Variants in PSEN1 observed in about 807,000 individuals in gnomAD.
PSEN1 encodes the protein presenilin-1.
In PSEN1, 15 loss-of-function variants were observed where a neutral mutation model predicts 53.5. The ratio of observed to expected loss-of-function variants is 0.28; its 90% CI spans 0.19 to 0.43. The LOEUF (loss-of-function observed/expected upper bound fraction) is 0.43. Ranked by LOEUF, PSEN1 falls within the 20% of genes least tolerant of loss-of-function variation. PSEN1 has a pLI of 1.00. For synonymous variants in PSEN1, 208 were observed against 209.8 expected, an observed-to-expected ratio of 0.99 and a Z score of 0.08; for missense variants, 387 against 571.2, an observed-to-expected ratio of 0.68 and a Z score of 3.29.
chr14:73,218,185 C>A (rs1900001272), intron 11 of PSEN1, among the ~76,000 whole-genome samples: 1 of 143,852 alleles, frequency 7.0e-6, no homozygotes, highest in Non-Finnish European at 1.5e-5. Context: ...CTCCTAGGTT[C>A]AAGCGATCCT....
chr14:73,215,869 C>A (rs1379033251), intron 10 of PSEN1, among the ~76,000 whole-genome samples: 1 of 152,128 alleles, frequency 6.6e-6, no homozygotes, highest in Non-Finnish European at 1.5e-5. Context: ...CTGGTACAGC[C>A]AGTGTGGAAT....
intron 5 of PSEN1, among the ~76,000 whole-genome samples, chr14:73,184,720 G>A (rs541821580): frequency 1.3e-5 from 2 of 151,500 alleles, no homozygotes; most frequent in Admixed American, 1.3e-4. Context: ...CCTCCCGGAT[G>A]GGGCGGCTGG....
intron 3 of PSEN1, among the ~76,000 whole-genome samples, chr14:73,151,761 G>A (rs1232595598): frequency 1.3e-5 from 2 of 150,724 alleles, no homozygotes; most frequent in African/African-American, 4.9e-5. Flanking sequence ...CAGAAATGAG[G>A]TTTCACCGTG....
chr14:73,143,876 C>G (rs1233900556), intron 1 of PSEN1, among the ~76,000 whole-genome samples: 2 of 151,864 alleles, frequency 1.3e-5, no homozygotes, highest in Non-Finnish European at 2.9e-5. Flanking sequence ...GTAGTCCCAC[C>G]TGCTTGGGAG....
At chr14:73,162,016 A>AAAG (rs57524406) in intron 3 of PSEN1, among the ~76,000 whole-genome samples, 2 of 145,360 alleles carry the variant, frequency 1.4e-5, no homozygotes, top group Non-Finnish European at 3.0e-5. Flanking sequence ...AAAAAAAAAA[A>AAAG]TAGAAAAAGA....
At chr14:73,203,895 T>TATAA (rs1455819142) in intron 8 of PSEN1, among the ~76,000 whole-genome samples, 1 of 152,240 alleles carries the variant, frequency 6.6e-6, no homozygotes, top group Non-Finnish European at 1.5e-5. Context: ...CAGGCATGAC[T>TATAA]ATAATCCCAG....
At chr14:73,200,521 A>G (rs531476444) in intron 8 of PSEN1, among the ~76,000 whole-genome samples, 3 of 152,288 alleles carry the variant, frequency 2.0e-5, no homozygotes, top group South Asian at 2.1e-4. Context: ...CTCCCAAAGC[A>G]TTAGTATTAC....
chr14:73,198,351 G>C (rs1899042963), intron 8 of PSEN1, among the ~76,000 whole-genome samples: 1 of 152,206 alleles, frequency 6.6e-6, no homozygotes, highest in African/African-American at 2.4e-5. Flanking sequence ...AAAATGTTTA[G>C]ATATTGGGGA....
chr14:73,189,997 GTGGCTCCAGGCCCTCTCCAGCTCAGGTT>G, intron 6 of PSEN1: 1 of 154,092 alleles, frequency 6.5e-6, no homozygotes, highest in East Asian at 1.9e-4. Context: ...GGGGTCTGAT[GTGGCTCCAGGCCCTCTCCAGCTCAGGTT>G]ACCCCTCCTT....
chr14:73,202,864 T>G (rs1265654342), intron 8 of PSEN1, among the ~76,000 whole-genome samples: 2 of 152,116 alleles, frequency 1.3e-5, no homozygotes, highest in Admixed American at 1.3e-4. Context: ...TTTGCATGTA[T>G]TTTTTTAAAA....
intron 4 of PSEN1, 62 bp downstream of exon 4, chr14:73,171,109 A>C: frequency 6.3e-7 from 1 of 1,597,676 alleles, no homozygotes; most frequent in Non-Finnish European, 8.5e-7. Flanking sequence ...ACAGCATGTC[A>C]TCATCACCTT....
At chr14:73,154,881 T>C (rs183137285) in intron 3 of PSEN1, among the ~76,000 whole-genome samples, 38 of 152,318 alleles carry the variant, frequency 2.5e-4, no homozygotes, top group Admixed American at 8.5e-4. Context: ...GAGTTAAAAT[T>C]GATACACTGC....
At chr14:73,140,637 C>T (rs1488909578) in intron 1 of PSEN1, among the ~76,000 whole-genome samples, 2 of 152,110 alleles carry the variant, frequency 1.3e-5, no homozygotes, top group Non-Finnish European at 2.9e-5. Context: ...TTTTCTGCTT[C>T]TAAGACCCTG....
chr14:73,167,212 A>G (rs1897744506), intron 3 of PSEN1, among the ~76,000 whole-genome samples: 1 of 152,156 alleles, frequency 6.6e-6, no homozygotes, highest in Non-Finnish European at 1.5e-5. Context: ...CTTTTGTAAC[A>G]AAGTCACTCC....
At position 73,218,998 on chromosome 14, in the gene PSEN1, C is replaced by T. The variant is rs1362577609; in HGVS notation, c.1249-136C>T. The stretch of plus-strand genomic sequence containing the variant: ...TAGCTCTTCTTCCAGATTGAATGAA[C>T]GTCTGTTCTAAAATTTAACCCCAAA... On this transcript the variant is annotated intron_variant, in intron 11 of 11. Transcript: ENST00000324501. 31 of 929,860 alleles carry T rather than the reference C, an allele frequency of 3.3e-5. 1 individual carries two copies. Among genetic ancestry groups the T allele is most frequent in the South Asian group, 2.6e-4 (19 of 72,836 alleles). 57.6% of individuals were successfully genotyped at this position (929,860 alleles called of 1,614,324 possible). A position where few individuals can be genotyped will look rare whatever the true frequency, so the allele number is the denominator to read the frequency against.
chr14:73,213,217 C>T (rs901351580), intron 10 of PSEN1, among the ~76,000 whole-genome samples: 4 of 152,262 alleles, frequency 2.6e-5, no homozygotes, highest in Non-Finnish European at 5.9e-5. Flanking sequence ...TTTGTTCTGC[C>T]CTCAGTTACC....
chr14:73,216,970 A>G (rs920330440), intron 10 of PSEN1, among the ~76,000 whole-genome samples, 156 bp from the exon 11 acceptor site: 1 of 152,186 alleles, frequency 6.6e-6, no homozygotes, highest in African/African-American at 2.4e-5. Flanking sequence ...TAGAAAACCA[A>G]AAAAGAAAGA....
intron 5 of PSEN1, among the ~76,000 whole-genome samples, chr14:73,179,578 C>T (rs1452506789): frequency 6.6e-6 from 1 of 152,144 alleles, no homozygotes; most frequent in Admixed American, 6.5e-5. Context: ...GATCGTGCCA[C>T]TGCACTCCAG....
Position 73,219,345 on chromosome 14 carries a change from G to A in PSEN1, c.*56G>A. On this transcript the variant is annotated 3_prime_UTR_variant, in exon 12 of 12. Coordinates refer to ENST00000324501, the MANE Select transcript of PSEN1 (RefSeq NM_000021.4). The stretch of plus-strand genomic sequence containing the variant: ...TCTTCTTTGACTATAACAAAATCTG[G>A]GGAGGACAAAGGTGATTTTCCTGTG... The A allele has an allele frequency of 6.4e-7, 1 of 1,550,466 alleles. No individual in the cohort carries two copies. The highest frequency in any genetic ancestry group is 1.7e-5 in the Admixed American group (1 of 59,906).
Sources: allele counts gnomAD v4.1 joint callset (sites outside exome capture counted in the v4.1 genomes callset), GRCh38; gene constraint gnomAD v4.1.1; transcripts MANE v1.5; gene names NCBI Gene and HGNC (gene_info 2026-07-23, HGNC 2026-07-21).